The following SEMA3A variants were observed in gnomAD, a reference collection of about 807,000 sequenced individuals.
SEMA3A encodes the protein semaphorin 3A.
Under a neutral mutation model 97.9 loss-of-function variants are expected in SEMA3A, and 29 were observed. That is an observed-to-expected ratio of 0.30 (90% CI 0.22 to 0.40). SEMA3A has a LOEUF of 0.40. SEMA3A is among the 10% of genes least tolerant of loss of function. SEMA3A has a pLI of 1.00. For synonymous variants in SEMA3A, 321 were observed against 323.7 expected (o/e 0.99, Z 0.09); for missense variants, 763 against 951.3 (o/e 0.80, Z 2.60).
intron 4 of SEMA3A, among the ~76,000 whole-genome samples, chr7:84,079,224 C>A (rs1330982792): frequency 4.6e-5 from 7 of 151,954 alleles, no homozygotes; most frequent in Non-Finnish European, 8.8e-5. Flanking sequence ...AAGACTTAAA[C>A]ATTCGACCTA....
intron 3 of SEMA3A, among the ~76,000 whole-genome samples, chr7:84,290,783 G>C (rs1361628561): frequency 6.6e-6 from 1 of 152,102 alleles, no homozygotes; most frequent in African/African-American, 2.4e-5. Flanking sequence ...TTCATTCAGA[G>C]ATGAACATTT....
intron 1 of SEMA3A, among the ~76,000 whole-genome samples, chr7:84,384,829 T>A (rs1803358160): frequency 6.6e-6 from 1 of 152,146 alleles, no homozygotes; most frequent in African/African-American, 2.4e-5. Context: ...AATGTAATAT[T>A]TAGAGAGCAT....
chr7:84,068,333 T>G, intron 4 of SEMA3A, among the ~76,000 whole-genome samples: 1 of 144,358 alleles, frequency 6.9e-6, no homozygotes, highest in East Asian at 2.0e-4. Flanking sequence ...AGATGACGAG[T>G]TAGTGGGTGC....
chr7:84,090,792 C>T (rs1006962369), intron 4 of SEMA3A, among the ~76,000 whole-genome samples: 11 of 151,856 alleles, frequency 7.2e-5, no homozygotes, highest in Admixed American at 3.9e-4. Flanking sequence ...GTTGGCCGGG[C>T]GTGGTGGCTC....
intron 2 of SEMA3A, among the ~76,000 whole-genome samples, chr7:84,325,175 A>G (rs1801746310): frequency 6.6e-6 from 1 of 151,770 alleles, no homozygotes; most frequent in East Asian, 1.9e-4. Context: ...TTTTAAAACA[A>G]TTATTTAGTT....
chr7:84,244,354 T>C (rs771797785), intron 3 of SEMA3A, among the ~76,000 whole-genome samples: 4 of 152,158 alleles, frequency 2.6e-5, no homozygotes, highest in Non-Finnish European at 4.4e-5. Flanking sequence ...TGCCCGTCTT[T>C]GTCTTTTTTG....
intron 6 of SEMA3A, among the ~76,000 whole-genome samples, chr7:84,024,231 G>C (rs913985232): frequency 2.0e-5 from 3 of 151,862 alleles, no homozygotes. Context: ...CCAGTCACTA[G>C]ATTTGTTACT....
chr7:84,150,985 C>T (rs1397343575), intron 1 of SEMA3A, among the ~76,000 whole-genome samples: 2 of 148,954 alleles, frequency 1.3e-5, no homozygotes, highest in Non-Finnish European at 3.0e-5. Flanking sequence ...GGCACACTGA[C>T]ACCTCACACT....
chr7:84,306,850 T>C (rs917435407), intron 3 of SEMA3A, among the ~76,000 whole-genome samples: 3 of 152,078 alleles, frequency 2.0e-5, no homozygotes, highest in Non-Finnish European at 4.4e-5. Context: ...GCCAAAATAT[T>C]TTTGTGGATA....
intron 3 of SEMA3A, among the ~76,000 whole-genome samples, chr7:84,121,501 G>T (rs1795614844): frequency 6.6e-6 from 1 of 151,246 alleles, no homozygotes; most frequent in African/African-American, 2.4e-5. Flanking sequence ...TCAGAATGAT[G>T]GTTTCCAGCT....
At chr7:84,427,879 T>C (rs1046144474) in intron 1 of SEMA3A, among the ~76,000 whole-genome samples, 2 of 151,976 alleles carry the variant, frequency 1.3e-5, no homozygotes, top group African/African-American at 2.4e-5. Context: ...ATAATTGCAG[T>C]GTATTACTAC....
chr7:84,195,997 T>G, upstream of SEMA3A, among the ~76,000 whole-genome samples: 1 of 152,206 alleles, frequency 6.6e-6, no homozygotes, highest in East Asian at 1.9e-4. Flanking sequence ...CTCTTATTTT[T>G]CATTCAGTTT....
chr7:84,031,914 T>C (rs1465685326), intron 6 of SEMA3A, among the ~76,000 whole-genome samples: 1 of 152,090 alleles, frequency 6.6e-6, no homozygotes, highest in Admixed American at 6.5e-5. Context: ...CTCTGAAAAA[T>C]AGGTCAGAAT....
At chr7:84,095,052 A>C (rs957039189) in intron 4 of SEMA3A, among the ~76,000 whole-genome samples, 3 of 150,034 alleles carry the variant, frequency 2.0e-5, no homozygotes, top group East Asian at 1.9e-4. Context: ...CACACACACA[A>C]AATATATACT....
At chr7:84,383,113 A>G (rs1272777778) in intron 1 of SEMA3A, among the ~76,000 whole-genome samples, 1 of 152,134 alleles carries the variant, frequency 6.6e-6, no homozygotes, top group African/African-American at 2.4e-5. Flanking sequence ...ATGAATAAAA[A>G]AGAAATAACA....
chr7:84,155,782 T>C (rs144384899), intron 1 of SEMA3A, among the ~76,000 whole-genome samples: 107 of 152,290 alleles, frequency 7.0e-4, no homozygotes, highest in Non-Finnish European at 1.2e-3. Context: ...TCCTTGTATT[T>C]ATATCAAAGT....
chr7:84,210,986 G>T (rs116803919), intron 3 of SEMA3A, among the ~76,000 whole-genome samples: 6 of 151,872 alleles, frequency 4.0e-5, no homozygotes, highest in Admixed American at 3.9e-4. Context: ...AGATATATCT[G>T]GAACAGAACA....
At chr7:84,447,068 C>G (rs1378462018) in intron 1 of SEMA3A, among the ~76,000 whole-genome samples, 1 of 152,220 alleles carries the variant, frequency 6.6e-6, no homozygotes, top group African/African-American at 2.4e-5. Context: ...CGTGCCTGCT[C>G]TGATTTCAAA....
intron 2 of SEMA3A, among the ~76,000 whole-genome samples, chr7:84,309,168 C>T (rs1309783748): frequency 2.6e-5 from 4 of 151,978 alleles, no homozygotes; most frequent in Non-Finnish European, 4.4e-5. Flanking sequence ...CATCAGGCTT[C>T]ATTTGGGGTG....
Sources: allele counts gnomAD v4.1 joint callset (sites outside exome capture counted in the v4.1 genomes callset), GRCh38; gene constraint gnomAD v4.1.1; transcripts MANE v1.5; gene names NCBI Gene and HGNC (gene_info 2026-07-23, HGNC 2026-07-21).